The following MAPKAPK3 variants were observed in gnomAD, a reference collection of about 807,000 sequenced individuals.
MAPKAPK3 encodes MAP kinase-activated protein kinase 3.
In MAPKAPK3, 35 loss-of-function variants were observed where a neutral mutation model predicts 49.2. The observed-to-expected ratio is 0.71, with a 90% CI of 0.54 to 0.94. MAPKAPK3 has a LOEUF of 0.94. Among genes scored for constraint, MAPKAPK3 ranks in the 40% least tolerant of loss-of-function variants. The pLI is 0.00. For missense variants in MAPKAPK3, 398 were observed against 493.1 expected (o/e 0.81, Z 1.83); for synonymous variants, 178 against 188.7 (o/e 0.94, Z 0.46).
chr3:50,621,547 G>A (rs577132674), intron 2 of MAPKAPK3, among the ~76,000 whole-genome samples: 1 of 148,442 alleles, frequency 6.7e-6, no homozygotes, highest in African/African-American at 2.5e-5. Flanking sequence ...GCAGTGAGCC[G>A]AGATCACGCC....
At chr3:50,635,009 C>A (rs2107589519) in intron 2 of MAPKAPK3, among the ~76,000 whole-genome samples, 1 of 152,306 alleles carries the variant, frequency 6.6e-6, no homozygotes. Context: ...CTCCCCCACC[C>A]TATATAGCCC....
intron 2 of MAPKAPK3, among the ~76,000 whole-genome samples, chr3:50,628,918 G>A (rs755752940): frequency 6.6e-6 from 1 of 152,214 alleles, no homozygotes; most frequent in Non-Finnish European, 1.5e-5. Flanking sequence ...AAAAGGATGC[G>A]CAGAGTTGTC....
intron 2 of MAPKAPK3, among the ~76,000 whole-genome samples, chr3:50,631,827 T>C (rs2032921490): frequency 6.6e-6 from 1 of 152,254 alleles, no homozygotes; most frequent in Non-Finnish European, 1.5e-5. Flanking sequence ...TACAACATTC[T>C]CTACAGTTTT....
At chr3:50,632,412 C>T (rs2032936346) in intron 2 of MAPKAPK3, among the ~76,000 whole-genome samples, 1 of 152,188 alleles carries the variant, frequency 6.6e-6, no homozygotes, top group Non-Finnish European at 1.5e-5. Context: ...TAAAGAGAAT[C>T]TGCTGTTTTT....
At chr3:50,640,114 CT>C (rs2033141754) in intron 2 of MAPKAPK3, among the ~76,000 whole-genome samples, 1 of 152,164 alleles carries the variant, frequency 6.6e-6, no homozygotes, top group African/African-American at 2.4e-5. Context: ...CTCTGAGCCC[CT>C]CGAAGCAGTC....
chr3:50,646,779 C>T lies in MAPKAPK3; in HGVS notation c.869C>T (p.Thr290Ile), dbSNP rs373989634. 4.3e-6 allele frequency: 7 copies of T among 1,614,116 alleles called. No individual in the cohort carries two copies. Among genetic ancestry groups the T allele is most frequent in the African/African-American group, 1.3e-5 (1 of 75,058 alleles). ...LIRLLLKTDP[T>I]ERLTITQFMN... ...CGCCTCCTGTTGAAGACAGACCCCA[C>T]AGAGAGGCTGACCATCACTCAGTTC... Residue 290 changes from threonine (T) to isoleucine (I), a missense_variant, in exon 9 of 11, where the codon ACA becomes ATA. Thr to Ile is a moderately conservative substitution (Grantham distance 89, BLOSUM62 -1). Transcript: ENST00000621469.
chr3:50,646,780 A>G lies in MAPKAPK3; in HGVS notation c.870A>G (p.Thr290=). ...LIRLLLKTDP[T]ERLTITQFMN... is the part of the protein sequence containing the mutation. ...GCCTCCTGTTGAAGACAGACCCCAC[A>G]GAGAGGCTGACCATCACTCAGTTCA... Residue 290 remains threonine, a synonymous_variant, in exon 9 of 11, where the codon ACA becomes ACG. Coordinates refer to ENST00000621469, the MANE Select transcript of MAPKAPK3 (RefSeq NM_001243925.2). The G allele has an allele frequency of 6.2e-7, 1 of 1,614,018 alleles. No individual in the cohort carries two copies. The highest frequency in any genetic ancestry group is 8.5e-7 in the Non-Finnish European group (1 of 1,180,006).
chr3:50,613,555 A>G (rs192538527), upstream of MAPKAPK3, among the ~76,000 whole-genome samples: 68 of 152,328 alleles, frequency 4.5e-4, no homozygotes, highest in Admixed American at 2.5e-3. Context: ...GCCAGTAGGA[A>G]CTGTCCACTG....
intron 2 of MAPKAPK3, among the ~76,000 whole-genome samples, chr3:50,638,770 C>T (rs1576010515): frequency 6.6e-6 from 1 of 152,206 alleles, no homozygotes; most frequent in East Asian, 1.9e-4. Flanking sequence ...ACAGAGCCTG[C>T]CCCTAACAGT....
chr3:50,625,694 C>T (rs940883443), intron 2 of MAPKAPK3, among the ~76,000 whole-genome samples: 1 of 152,176 alleles, frequency 6.6e-6, no homozygotes, highest in South Asian at 2.1e-4. Flanking sequence ...TCTGCCTCCT[C>T]GTCCCTCTCA....
intron 2 of MAPKAPK3, among the ~76,000 whole-genome samples, chr3:50,633,728 G>A (rs1462485033): frequency 6.6e-6 from 1 of 152,214 alleles, no homozygotes; most frequent in African/African-American, 2.4e-5. Flanking sequence ...TCTGTAAATT[G>A]GGGCTAATGG....
intron 2 of MAPKAPK3, among the ~76,000 whole-genome samples, chr3:50,633,039 A>G (rs1334805465): frequency 1.3e-5 from 2 of 152,072 alleles, no homozygotes; most frequent in African/African-American, 4.8e-5. Flanking sequence ...GAAGACAGAC[A>G]GAGTGATTTT....
In MAPKAPK3 at chr3:50,646,199, A is replaced by G. The variant is rs1168548018; in HGVS notation, c.764A>G (p.Lys255Arg). ...GGCCAGGCCATCTCCCCGGGGATGA[A>G]GAGGAGGATTCGCCTGGGCCAGTAC... is the stretch of plus-strand genomic sequence containing the variant. ...NTGQAISPGM[K>R]RRIRLGQYGF... Residue 255 changes from lysine (K) to arginine (R), a missense_variant, in exon 8 of 11, where the codon AAG (lysine) becomes AGG (arginine). Around this residue, in one of 5 missense-constraint regions of MAPKAPK3, gnomAD observed 152 missense variants for 177.3 expected, o/e 0.86. Transcript: ENST00000621469. The G allele has an allele frequency of 2.5e-6, 4 of 1,614,022 alleles. No individual in the cohort carries two copies. In the East Asian group the frequency reaches 6.7e-5, roughly 27 times the overall value.
intron 2 of MAPKAPK3, among the ~76,000 whole-genome samples, chr3:50,636,139 G>T (rs998542863): frequency 4.1e-4 from 63 of 152,176 alleles, no homozygotes; most frequent in Non-Finnish European, 5.9e-4. Context: ...TATTACCTGA[G>T]TTAGTGCTCT....
chr3:50,619,372 G>A (rs2032553524), intron 2 of MAPKAPK3, among the ~76,000 whole-genome samples: 2 of 152,282 alleles, frequency 1.3e-5, no homozygotes, highest in African/African-American at 4.8e-5. Context: ...GATCAGGGTT[G>A]GGCTGGTGGG....
intron 9 of MAPKAPK3, 72 bp downstream of exon 9, chr3:50,646,897 G>C: frequency 6.7e-7 from 1 of 1,491,598 alleles, no homozygotes; most frequent in Non-Finnish European, 9.3e-7. Context: ...GAGGGTGGTG[G>C]CTCTGCTTTG....
At chr3:50,635,705 A>G (rs1162955977) in intron 2 of MAPKAPK3, among the ~76,000 whole-genome samples, 1 of 151,362 alleles carries the variant, frequency 6.6e-6, no homozygotes. Flanking sequence ...GTCAGCCACC[A>G]CGCCTGGCCA....
intron 2 of MAPKAPK3, among the ~76,000 whole-genome samples, chr3:50,636,158 C>T (rs2033037041): frequency 6.6e-6 from 1 of 152,154 alleles, no homozygotes; most frequent in African/African-American, 2.4e-5. Context: ...CTGTGTCAGG[C>T]CCCGTATCCC....
Position 50,641,723 on chromosome 3 carries a change from T to C in MAPKAPK3, c.376T>C (p.Leu126=), listed in dbSNP as rs770936440. 2.5e-6 allele frequency: 4 copies of C among 1,613,846 alleles called. No homozygotes were observed. Among genetic ancestry groups the C allele is most frequent in the Admixed American group, 3.3e-5 (2 of 59,990 alleles). ...IIMECMEGGE[L]FSRIQERGDQ... ...CTTTTACAGCATGGAAGGTGGTGAGTTGTTCAGCAGGATTCAGGAGCGTGG... is the reference window on the plus strand; with the variant it reads ...CTTTTACAGCATGGAAGGTGGTGAGCTGTTCAGCAGGATTCAGGAGCGTGG... The change falls in exon 4 of 11, where the codon TTG becomes CTG. Residue 126 remains leucine (L), a synonymous_variant. Transcript: ENST00000621469.
Sources: gnomAD v4.1 joint callset for allele counts (sites outside exome capture counted in the v4.1 genomes callset) on GRCh38, gnomAD v4.1.1 for gene constraint, gnomAD v4.1.1 regional missense constraint, MANE v1.5 for transcripts, NCBI Gene and HGNC (gene_info 2026-07-23, HGNC 2026-07-21) for gene names.